The following TDRD3 variants were observed in gnomAD, a reference collection of about 807,000 sequenced individuals.
The protein encoded by TDRD3 is tudor domain containing 3.
A neutral mutation model predicts 86.7 loss-of-function variants in TDRD3; 45 were observed. That is an observed-to-expected ratio of 0.52 (90% confidence interval 0.41 to 0.67). The LOEUF (loss-of-function observed/expected upper bound fraction) is 0.67, where lower values mean the gene tolerates loss of function less well. Among genes scored for constraint, TDRD3 ranks in the 30% least tolerant of loss-of-function variants. TDRD3 has a pLI of 0.00. For missense variants in TDRD3, 814 were observed against 889.0 expected (o/e 0.92, Z 1.07); for synonymous variants, 298 against 301.7 (o/e 0.99, Z 0.13).
At chr13:60,520,310 A>G (rs1957262474) in intron 10 of TDRD3, among the ~76,000 whole-genome samples, 1 of 152,174 alleles carries the variant, frequency 6.6e-6, no homozygotes, top group African/African-American at 2.4e-5. Flanking sequence ...TATTTAGCAT[A>G]ATGGACATCA....
At chr13:60,519,259 A>G (rs1362724587) in intron 10 of TDRD3, among the ~76,000 whole-genome samples, 2 of 152,204 alleles carry the variant, frequency 1.3e-5, no homozygotes, top group Admixed American at 6.5e-5. Context: ...TGCCAGGACT[A>G]TGCTAGGTGC....
chr13:60,468,218 CTTG>C (rs1366661476), intron 5 of TDRD3, among the ~76,000 whole-genome samples: 2 of 152,130 alleles, frequency 1.3e-5, no homozygotes, highest in East Asian at 3.8e-4. Context: ...CCACATAGAT[CTTG>C]TTGTAGCCAA....
At chr13:60,511,274 G>A (rs1029559039) in intron 10 of TDRD3, among the ~76,000 whole-genome samples, 1 of 152,044 alleles carries the variant, frequency 6.6e-6, no homozygotes, top group African/African-American at 2.4e-5. Flanking sequence ...TTCTAAAATG[G>A]TAAGTTTTCA....
chr13:60,500,797 A>G (rs947805657), intron 8 of TDRD3, among the ~76,000 whole-genome samples: 3 of 152,210 alleles, frequency 2.0e-5, no homozygotes, highest in Non-Finnish European at 4.4e-5. Context: ...AAAACTGTGA[A>G]GATGTTTGTA....
intron 4 of TDRD3, among the ~76,000 whole-genome samples, chr13:60,464,630 A>G (rs1955878379): frequency 6.6e-6 from 1 of 152,190 alleles, no homozygotes; most frequent in South Asian, 2.1e-4. Flanking sequence ...GCCATAAAAA[A>G]GAATGAAATC....
At chr13:60,547,058 C>T (rs1049019607) in intron 12 of TDRD3, among the ~76,000 whole-genome samples, 1 of 152,028 alleles carries the variant, frequency 6.6e-6, no homozygotes, top group Non-Finnish European at 1.5e-5. Context: ...AAAGTTTTGA[C>T]AGAAACTGCT....
At chr13:60,468,422 T>C (rs897011616) in intron 5 of TDRD3, among the ~76,000 whole-genome samples, 1 of 152,200 alleles carries the variant, frequency 6.6e-6, no homozygotes, top group African/African-American at 2.4e-5. Flanking sequence ...CTTGTTTCCT[T>C]ATTGAATTCT....
intron 1 of TDRD3, among the ~76,000 whole-genome samples, chr13:60,411,134 C>A (rs992705417): frequency 6.6e-6 from 1 of 152,124 alleles, no homozygotes; most frequent in Non-Finnish European, 1.5e-5. Flanking sequence ...TGCCATAGTA[C>A]TCATTAAATT....
intron 2 of TDRD3, among the ~76,000 whole-genome samples, chr13:60,442,196 C>G (rs1199820869): frequency 2.0e-5 from 3 of 152,062 alleles, no homozygotes; most frequent in African/African-American, 7.2e-5. Context: ...CGTTCAAATA[C>G]TGGAATTATT....
chr13:60,401,422 G>A (rs888462920), intron 1 of TDRD3, among the ~76,000 whole-genome samples: 3 of 152,150 alleles, frequency 2.0e-5, no homozygotes, highest in African/African-American at 7.2e-5. Context: ...TTGTGTCAGG[G>A]ACTTGAGCAT....
In TDRD3 at chr13:60,490,131, TAACA is replaced by T. The variant is rs145101844; in HGVS notation, c.717+4191_717+4194del. On this transcript the variant is annotated intron_variant, in intron 7 of 13. Coordinates refer to ENST00000377881, the MANE Select transcript of TDRD3 (RefSeq NM_001146070.2). ...GAGAGAATTTATGGAGGCTTAAAAC[TAACA>T]AACAAACTTGGGACTTGTGCAAGGT... Among the ~76,000 whole-genome samples, 746 of 142,744 alleles carry T rather than the reference TAACA, an allele frequency of 5.2e-3. 3 individuals are homozygous for T. Among genetic ancestry groups the T allele is most frequent in the Middle Eastern group, 0.026 (7 of 268 alleles). The allele number at this position is 142,744 out of a possible 152,430, so 93.6% of individuals were successfully genotyped here.
intron 1 of TDRD3, among the ~76,000 whole-genome samples, chr13:60,413,190 GA>G (rs1954406847): frequency 6.6e-6 from 1 of 151,918 alleles, no homozygotes; most frequent in South Asian, 2.1e-4. Context: ...AAATGATTTT[GA>G]ATAAACATTT....
chr13:60,506,290 A>C (rs1055111415), intron 8 of TDRD3, among the ~76,000 whole-genome samples: 1 of 152,212 alleles, frequency 6.6e-6, no homozygotes, highest in Non-Finnish European at 1.5e-5. Flanking sequence ...CAGCCAAACT[A>C]AGCTTCAAAA....
intron 1 of TDRD3, among the ~76,000 whole-genome samples, chr13:60,419,659 C>T (rs1017571874): frequency 1.3e-5 from 2 of 151,976 alleles, no homozygotes; most frequent in African/African-American, 4.8e-5. Flanking sequence ...GGAGGGAGAA[C>T]ATTAGGACAA....
chr13:60,505,338 G>A (rs1228349453), intron 8 of TDRD3, among the ~76,000 whole-genome samples: 2 of 152,194 alleles, frequency 1.3e-5, no homozygotes, highest in Admixed American at 6.5e-5. Context: ...TTCTCACTGG[G>A]CAGAGTCCAC....
intron 7 of TDRD3, among the ~76,000 whole-genome samples, chr13:60,491,848 G>A (rs1043532607): frequency 6.6e-6 from 1 of 151,950 alleles, no homozygotes; most frequent in Non-Finnish European, 1.5e-5. Flanking sequence ...GACATGAGAA[G>A]GAGGTTTGAG....
chr13:60,476,985 A>G (rs370503351), intron 5 of TDRD3, among the ~76,000 whole-genome samples: 1 of 151,976 alleles, frequency 6.6e-6, no homozygotes. Context: ...ATATAGAATG[A>G]TATCATCAGC....
chr13:60,492,331 C>T (rs771738291), intron 7 of TDRD3, among the ~76,000 whole-genome samples: 4 of 152,170 alleles, frequency 2.6e-5, no homozygotes, highest in Middle Eastern at 3.4e-3. Flanking sequence ...GTATATTAAC[C>T]AAAATAGTAA....
At chr13:60,554,872 A>G (rs1958151137) in intron 12 of TDRD3, among the ~76,000 whole-genome samples, 2 of 152,178 alleles carry the variant, frequency 1.3e-5, no homozygotes, top group Non-Finnish European at 2.9e-5. Context: ...AACATCTCAG[A>G]TGTTTCAGAT....
Sources: gnomAD v4.1 joint callset for allele counts (sites outside exome capture counted in the v4.1 genomes callset) on GRCh38, gnomAD v4.1.1 for gene constraint, MANE v1.5 for transcripts, NCBI Gene and HGNC (gene_info 2026-07-23, HGNC 2026-07-21) for gene names.